Variants in CMIP observed in about 807,000 individuals in gnomAD.
CMIP encodes the protein C-Maf-inducing protein.
A neutral mutation model predicts 97.3 loss-of-function variants in CMIP; 13 were observed. That is an observed-to-expected ratio of 0.13 (90% confidence interval 0.09 to 0.21). The LOEUF is 0.21. CMIP is among the 10% of genes least tolerant of loss of function. The probability of loss-of-function intolerance (pLI) is 1.00; values close to 1 mark genes in which losing one functional copy is unlikely to be tolerated. For synonymous variants in CMIP, 538 were observed against 436.3 expected, an observed-to-expected ratio of 1.23 and a Z score of -2.91; for missense variants, 847 against 1,024.9, an observed-to-expected ratio of 0.83 and a Z score of 2.37.
chr16:81,495,503 C>T, intron 1 of CMIP: 2 of 1,612,796 alleles, frequency 1.2e-6, no homozygotes, highest in Middle Eastern at 1.7e-4. Flanking sequence ...AGGTACAGTC[C>T]CATGTGGGGA....
intron 1 of CMIP, among the ~76,000 whole-genome samples, chr16:81,523,103 A>G (rs548655602): frequency 5.2e-4 from 79 of 152,162 alleles, no homozygotes; most frequent in African/African-American, 1.9e-3. Context: ...ATTTTTTGGT[A>G]GAGACAGGAC....
intron 1 of CMIP, among the ~76,000 whole-genome samples, chr16:81,472,741 G>T (rs1271325930): frequency 6.6e-6 from 1 of 152,224 alleles, no homozygotes; most frequent in East Asian, 1.9e-4. Flanking sequence ...AGCTGATCCT[G>T]TGCAGATGTG....
chr16:81,542,893 A>G (rs1223284079), intron 1 of CMIP, among the ~76,000 whole-genome samples: 2 of 152,252 alleles, frequency 1.3e-5, no homozygotes, highest in Non-Finnish European at 2.9e-5. Context: ...TACAATCCAT[A>G]GCACCGTCCC....
At position 81,707,978 on chromosome 16, in the gene CMIP, C is replaced by T. The variant is rs147001043; in HGVS notation, c.2268+894C>T. On this transcript the variant is annotated intron_variant, in intron 20 of 20. Coordinates refer to ENST00000537098, the MANE Select transcript of CMIP (RefSeq NM_198390.3). ...CACCTCCTACAGCCAGGCCTCCTGCCGCCAGGGCGTGCTCACTGGGGCATC... is the reference window on the plus strand; with the variant it reads ...CACCTCCTACAGCCAGGCCTCCTGCTGCCAGGGCGTGCTCACTGGGGCATC... Among the ~76,000 whole-genome samples the T allele has an allele frequency of 2.6e-5, 4 of 152,382 alleles. No individual in the cohort carries two copies. In the East Asian group the frequency reaches 5.8e-4, roughly 22 times the overall value.
intron 1 of CMIP, among the ~76,000 whole-genome samples, chr16:81,540,217 C>G (rs115978739): frequency 6.6e-6 from 1 of 152,208 alleles, no homozygotes; most frequent in Admixed American, 6.5e-5. Context: ...TTTTGTGTCT[C>G]GTCAGAGCAC....
At chr16:81,598,111 G>C (rs1273420688) in intron 1 of CMIP, among the ~76,000 whole-genome samples, 5 of 152,128 alleles carry the variant, frequency 3.3e-5, no homozygotes, top group African/African-American at 1.2e-4. Flanking sequence ...CACAAGGCTG[G>C]CTGGGAGGAT....
At chr16:81,527,946 G>A (rs1251394376) in intron 1 of CMIP, among the ~76,000 whole-genome samples, 2 of 152,168 alleles carry the variant, frequency 1.3e-5, no homozygotes, top group Non-Finnish European at 2.9e-5. Context: ...TTATAGTTAG[G>A]CATGAGTTGC....
In CMIP at chr16:81,655,923, C is replaced by A. The variant is rs557310817; in HGVS notation, c.640-1852C>A. Among the ~76,000 whole-genome samples, 12 of 152,160 alleles carry A rather than the reference C, an allele frequency of 7.9e-5. No individual in the cohort carries two copies. Among genetic ancestry groups the A allele is most frequent in the South Asian group, 2.1e-4 (1 of 4,826 alleles). On this transcript the variant is annotated intron_variant, in intron 4 of 20. Transcript: ENST00000537098. The surrounding 1 kb of genome is among the most constrained non-coding windows in gnomAD (Gnocchi z 4.9). Reference sequence around the variant, plus strand: ...GCATGAGCAAAACAAAGCTCTTACACAGTGCCTGAGGCATAGAGAGCTCAG... The same window carrying A: ...GCATGAGCAAAACAAAGCTCTTACAAAGTGCCTGAGGCATAGAGAGCTCAG...
chr16:81,700,318 A>T (rs1208215867), intron 15 of CMIP, among the ~76,000 whole-genome samples: 1 of 151,408 alleles, frequency 6.6e-6, no homozygotes, highest in Admixed American at 6.6e-5. Context: ...GAACACACAC[A>T]CCCAGCCCCA....
intron 3 of CMIP, among the ~76,000 whole-genome samples, chr16:81,648,372 C>T (rs1408503573): frequency 6.6e-6 from 1 of 152,010 alleles, no homozygotes; most frequent in African/African-American, 2.4e-5. Context: ...AGCTGGCCAC[C>T]CCCTCAGCAT....
intron 3 of CMIP, among the ~76,000 whole-genome samples, chr16:81,639,571 G>A (rs1446481694): frequency 9.8e-5 from 15 of 152,324 alleles, no homozygotes; most frequent in Admixed American, 3.9e-4. Context: ...TGTGGCCTGC[G>A]TCAGGATTTC....
At chr16:81,650,836 G>A (rs1299020700) in intron 3 of CMIP, among the ~76,000 whole-genome samples, 4 of 152,194 alleles carry the variant, frequency 2.6e-5, no homozygotes, top group East Asian at 1.9e-4. Flanking sequence ...AGGCTCAGAA[G>A]GTGAAAGTTT....
chr16:81,673,282 A>G lies in CMIP; in HGVS notation c.1034+1212A>G, dbSNP rs1227288429. On this transcript the variant is annotated intron_variant, in intron 9 of 20. Coordinates refer to ENST00000537098, the MANE Select transcript of CMIP (RefSeq NM_198390.3). ...TGTAATCCCAGCAGTTTGGAAGGCC[A>G]AGGCGGGCAGATCACTTGAGGTTAG... Among the ~76,000 whole-genome samples the G allele has an allele frequency of 3.9e-5, 6 of 152,146 alleles. No individual in the cohort carries two copies. The East Asian group carries it at 7.7e-4, about 20-fold the overall frequency.
At chr16:81,523,158 G>A (rs1048402313) in intron 1 of CMIP, among the ~76,000 whole-genome samples, 2 of 152,162 alleles carry the variant, frequency 1.3e-5, no homozygotes, top group Non-Finnish European at 2.9e-5. Context: ...GGGCTCAAGT[G>A]ATCCTCCTGC....
At position 81,453,139 on chromosome 16, in the gene CMIP, A is replaced by C. The variant is rs927090282; in HGVS notation, c.300+7598A>C. 6.6e-6 allele frequency among the ~76,000 whole-genome samples: 1 copy of C among 152,198 alleles called. No homozygotes were observed. Among genetic ancestry groups the C allele is most frequent in the Non-Finnish European group, 1.5e-5 (1 of 68,026 alleles). ...CGGCAAAGACCCTTGCAGCTGGCTC[A>C]GCAGCCCACCTGGGATTCAAACCCA... On this transcript the variant is annotated intron_variant, in intron 1 of 20. Transcript: ENST00000537098. This position sits in a 1 kb window ranked among gnomAD's most constrained non-coding sequence, Gnocchi z 4.0.
intron 10 of CMIP, among the ~76,000 whole-genome samples, chr16:81,686,495 C>T (rs1009572104): frequency 2.0e-5 from 3 of 152,224 alleles, no homozygotes; most frequent in South Asian, 2.1e-4. Flanking sequence ...CACCCTCTGC[C>T]CTCACATACC....
chr16:81,452,231 A>C (rs980820609), intron 1 of CMIP, among the ~76,000 whole-genome samples: 1 of 152,154 alleles, frequency 6.6e-6, no homozygotes, highest in Non-Finnish European at 1.5e-5. Flanking sequence ...GAAATCAGAC[A>C]GGGGAGCTTG....
rs1597151164 is a variant in CMIP, at chr16:81,616,197, G to A, written c.427-4679G>A. Among the ~76,000 whole-genome samples, 2 of 148,824 alleles carry A rather than the reference G, an allele frequency of 1.3e-5. No individual in the cohort carries two copies. Among genetic ancestry groups the A allele is most frequent in the Non-Finnish European group, 1.5e-5 (1 of 67,614 alleles). ...TAACACCAGGCTCACTGGAGCAGTC[G>A]CAGTTAATCCTACGTGGATCCTGCC... On this transcript the variant is annotated intron_variant, in intron 2 of 20. Coordinates refer to ENST00000537098, the MANE Select transcript of CMIP (RefSeq NM_198390.3). The surrounding 1 kb of genome is among the most constrained non-coding windows in gnomAD (Gnocchi z 4.7).
intron 14 of CMIP, among the ~76,000 whole-genome samples, 162 bp from the exon 15 acceptor site, chr16:81,699,523 T>C (rs1380619822): frequency 1.1e-4 from 17 of 151,558 alleles, no homozygotes; most frequent in Admixed American, 1.1e-3. Context: ...CAGGGAGGGG[T>C]TTCTTGCATC....
Sources: gnomAD v4.1 joint callset for allele counts (sites outside exome capture counted in the v4.1 genomes callset) on GRCh38, gnomAD v4.1.1 for gene constraint, Gnocchi (gnomAD v3.1) non-coding constraint, MANE v1.5 for transcripts, NCBI Gene and HGNC (gene_info 2026-07-23, HGNC 2026-07-21) for gene names.